Variants in FAAH2 observed in about 807,000 individuals in gnomAD.
FAAH2 encodes the protein fatty acid amide hydrolase 2.
A neutral mutation model predicts 36.9 loss-of-function variants in FAAH2; 60 were observed. That is an observed-to-expected ratio of 1.63 (90% CI 1.32 to 2.02). FAAH2 has a LOEUF of 2.02. FAAH2 is among the 30% of genes most tolerant of loss of function. The probability of loss-of-function intolerance (pLI) is 0.00; values close to 1 mark genes in which losing one functional copy is unlikely to be tolerated. For synonymous variants in FAAH2, 214 were observed against 143.8 expected (o/e 1.49, Z -3.49); for missense variants, 689 against 397.5 (o/e 1.73, Z -6.23).
the FAAH2 span, among the ~76,000 whole-genome samples, chrX:57,215,556 G>A: frequency 1.8e-5 from 2 of 111,286 alleles, no homozygotes; most frequent in Non-Finnish European, 3.8e-5. Flanking sequence ...CAAAGACATG[G>A]AACCAACCCA....
intron 4 of FAAH2, among the ~76,000 whole-genome samples, chrX:57,333,367 A>T (rs1227215543): frequency 2.7e-5 from 3 of 111,834 alleles, no homozygotes; most frequent in Non-Finnish European, 3.8e-5. Flanking sequence ...GCTTTCAACA[A>T]AACAATTATA....
chrX:57,424,344 G>A (rs1252816450), intron 7 of FAAH2, among the ~76,000 whole-genome samples: 1 of 111,552 alleles, frequency 9.0e-6, no homozygotes, highest in African/African-American at 3.3e-5. Context: ...AGGCACAGGA[G>A]ATCTTCTCCG....
intron 5 of FAAH2, among the ~76,000 whole-genome samples, chrX:57,352,677 G>A (rs1205867171): frequency 1.8e-5 from 2 of 110,945 alleles, no homozygotes; most frequent in Admixed American, 9.6e-5. Flanking sequence ...AATAATCTCT[G>A]TTTGCCAAAG....
chrX:57,486,097 A>G (rs879072735), intron 10 of FAAH2, among the ~76,000 whole-genome samples: 1 of 111,550 alleles, frequency 9.0e-6, no homozygotes, highest in African/African-American at 3.3e-5. Context: ...ATCACCTCTG[A>G]TCAGATTGCA....
chrX:57,380,078 G>A (rs1328061078), intron 6 of FAAH2, among the ~76,000 whole-genome samples: 1 of 110,857 alleles, frequency 9.0e-6, no homozygotes, highest in Non-Finnish European at 1.9e-5. Context: ...AAATGGGGTA[G>A]GTATCCATCC....
intron 5 of FAAH2, among the ~76,000 whole-genome samples, chrX:57,349,193 A>G (rs772568543): frequency 1.1e-5 from 1 of 92,974 alleles, no homozygotes; most frequent in East Asian, 3.2e-4. Context: ...ATATATGTAT[A>G]TATACATATA....
the FAAH2 span, among the ~76,000 whole-genome samples, chrX:57,197,321 A>G: frequency 9.0e-6 from 1 of 111,477 alleles, no homozygotes; most frequent in Non-Finnish European, 1.9e-5. Context: ...CCTTTCTGTG[A>G]TGCCTCATTG....
chrX:57,142,515 T>G, the FAAH2 span, among the ~76,000 whole-genome samples: 1 of 112,403 alleles, frequency 8.9e-6, no homozygotes, highest in African/African-American at 3.2e-5. Flanking sequence ...ATTTATTCTG[T>G]GGCCTAACAT....
chrX:57,209,608 G>A, the FAAH2 span, among the ~76,000 whole-genome samples: 1 of 111,393 alleles, frequency 9.0e-6, no homozygotes, highest in Non-Finnish European at 1.9e-5. Flanking sequence ...GTGGGAATGA[G>A]TCTCTTTCAG....
the FAAH2 span, among the ~76,000 whole-genome samples, chrX:57,220,985 G>A: frequency 8.9e-6 from 1 of 111,987 alleles, no homozygotes; most frequent in Non-Finnish European, 1.9e-5. Context: ...GATGGTGGCA[G>A]GTAGGCCAGT....
chrX:57,488,340 A>G (rs2057511391), intron 10 of FAAH2, among the ~76,000 whole-genome samples: 1 of 111,943 alleles, frequency 8.9e-6, no homozygotes, highest in Non-Finnish European at 1.9e-5. Flanking sequence ...GAAAATCCAT[A>G]TATTTAAGAA....
the FAAH2 span, among the ~76,000 whole-genome samples, chrX:57,206,986 G>A: frequency 2.7e-5 from 3 of 111,382 alleles, no homozygotes; most frequent in Non-Finnish European, 5.7e-5. Flanking sequence ...ATGCAAATTG[G>A]CTTATCTCAA....
At chrX:57,329,690 G>C (rs1240088117) in intron 3 of FAAH2, among the ~76,000 whole-genome samples, 2 of 110,065 alleles carry the variant, frequency 1.8e-5, no homozygotes, top group Non-Finnish European at 3.8e-5. Context: ...TCGTGGGCGA[G>C]TGCATGTAGG....
At chrX:57,368,234 AC>A (rs1312457533) in intron 5 of FAAH2, among the ~76,000 whole-genome samples, 1 of 49,765 alleles carries the variant, frequency 2.0e-5, no homozygotes, top group Non-Finnish European at 3.8e-5. Flanking sequence ...ACCCACCCCC[AC>A]CCCCAAACCC....
At chrX:57,478,812 A>T (rs1023731980) in intron 10 of FAAH2, among the ~76,000 whole-genome samples, 31 of 111,385 alleles carry the variant, frequency 2.8e-4, no homozygotes, top group East Asian at 2.8e-4. Flanking sequence ...ATGTGGCATT[A>T]TTTCTGAGGA....
rs766498952 is a variant in FAAH2, at chrX:57,306,177, G to A, written c.276-4416G>A. On this transcript the variant is annotated intron_variant, in intron 2 of 10. Coordinates refer to ENST00000374900, the MANE Select transcript of FAAH2 (RefSeq NM_174912.4). ...CTGCTTCTTTTTGTGCAACCAAAGT[G>A]TGAGGGATGGGATATAAGCAAAGCA... 1.3e-4 allele frequency among the ~76,000 whole-genome samples: 15 copies of A among 111,932 alleles called. No individual in the cohort carries two copies. In the South Asian group the frequency reaches 3.4e-3, roughly 25 times the overall value.
At chrX:57,462,278 A>C (rs919936477) in intron 10 of FAAH2, among the ~76,000 whole-genome samples, 10 of 111,453 alleles carry the variant, frequency 9.0e-5, no homozygotes, top group Admixed American at 8.6e-4. Flanking sequence ...GAAGAATAGA[A>C]GAAGAGGGAT....
the FAAH2 span, among the ~76,000 whole-genome samples, chrX:57,212,652 T>C: frequency 8.9e-6 from 1 of 112,498 alleles, no homozygotes; most frequent in Admixed American, 9.4e-5. Flanking sequence ...TCCTTTGCAT[T>C]GATGCATTTA....
intron 1 of FAAH2, among the ~76,000 whole-genome samples, chrX:57,288,334 A>ATTTTTTTTT (rs1393972572): frequency 9.8e-5 from 6 of 61,174 alleles, no homozygotes; most frequent in African/African-American, 4.7e-4. Flanking sequence ...TCTTAAAAAC[A>ATTTTTTTTT]TTTCTTTTTT....
Sources: allele counts gnomAD v4.1 joint callset (sites outside exome capture counted in the v4.1 genomes callset), GRCh38; gene constraint gnomAD v4.1.1; transcripts MANE v1.5; gene names NCBI Gene and HGNC (gene_info 2026-07-23, HGNC 2026-07-21).